UNC79: variants seen among roughly 807,000 people sequenced by gnomAD.
UNC79 encodes the protein protein unc-79 homolog.
Under a neutral mutation model 283.1 loss-of-function variants are expected in UNC79, and 37 were observed. The ratio of observed to expected loss-of-function variants is 0.13; its 90% CI spans 0.10 to 0.17. The LOEUF (loss-of-function observed/expected upper bound fraction) is 0.17. Among genes scored for constraint, UNC79 ranks in the 10% least tolerant of loss-of-function variants. UNC79 has a pLI of 1.00. For missense variants in UNC79, 2,272 were observed against 3,211.1 expected, an observed-to-expected ratio of 0.71 and a Z score of 7.07; for synonymous variants, 1,107 against 1,200.2, an observed-to-expected ratio of 0.92 and a Z score of 1.61.
intron 1 of UNC79, among the ~76,000 whole-genome samples, chr14:93,340,467 A>AGAGTT (rs201614499): frequency 0.066 from 9,664 of 145,344 alleles, 738 homozygotes; most frequent in African/African-American, 0.17. Flanking sequence ...AAAAAAAAGA[A>AGAGTT]GGCCACCTAT....
chr14:93,337,678 G>GCCC (rs1226166293), intron 1 of UNC79, among the ~76,000 whole-genome samples: 1 of 152,122 alleles, frequency 6.6e-6, no homozygotes, highest in Admixed American at 6.5e-5. Context: ...GCTGAAACAT[G>GCCC]CCCCCCTGAA....
At chr14:93,585,399 C>T (rs1009780199) in intron 20 of UNC79, among the ~76,000 whole-genome samples, 1 of 152,184 alleles carries the variant, frequency 6.6e-6, no homozygotes, top group Admixed American at 6.5e-5. Flanking sequence ...AGTGTGTTTC[C>T]CTTTTTCCCA....
chr14:93,403,611 C>T (rs1465197099), intron 1 of UNC79, among the ~76,000 whole-genome samples: 1 of 152,038 alleles, frequency 6.6e-6, no homozygotes, highest in Non-Finnish European at 1.5e-5. Context: ...CAGCAAACAG[C>T]ATAAAATAAA....
intron 4 of UNC79, among the ~76,000 whole-genome samples, chr14:93,484,473 T>A (rs2058309835): frequency 6.6e-6 from 1 of 152,202 alleles, no homozygotes; most frequent in Non-Finnish European, 1.5e-5. Flanking sequence ...TAATAATATA[T>A]TCAGAACTAC....
intron 26 of UNC79, among the ~76,000 whole-genome samples, chr14:93,607,987 G>A (rs1167318882): frequency 2.0e-5 from 3 of 152,156 alleles, no homozygotes; most frequent in Admixed American, 6.5e-5. Flanking sequence ...CTTGTTTGAA[G>A]ATATGTTTTT....
At chr14:93,591,769 A>G (rs745959860) in intron 22 of UNC79, among the ~76,000 whole-genome samples, 9 of 152,184 alleles carry the variant, frequency 5.9e-5, no homozygotes, top group Admixed American at 1.3e-4. Flanking sequence ...GGTGCTATTC[A>G]TGGTTTACGG....
At chr14:93,465,114 C>T (rs2057117824) in intron 1 of UNC79, among the ~76,000 whole-genome samples, 1 of 152,152 alleles carries the variant, frequency 6.6e-6, no homozygotes, top group Admixed American at 6.6e-5. Context: ...CACTTTCTTT[C>T]TTCCTTTTTT....
At chr14:93,404,493 A>AAAATAT in intron 1 of UNC79, among the ~76,000 whole-genome samples, 7 of 61,514 alleles carry the variant, frequency 1.1e-4, no homozygotes, top group African/African-American at 3.3e-4. Context: ...TTCTAAAAAA[A>AAAATAT]ATATATATAT....
intron 44 of UNC79, chr14:93,689,117 G>T (rs1288637026): frequency 2.3e-6 from 1 of 440,036 alleles, no homozygotes; most frequent in Admixed American, 3.9e-5. Context: ...CCACTTTAAT[G>T]CTTGATTTCA....
chr14:93,535,351 G>C (rs2061018107), intron 11 of UNC79, among the ~76,000 whole-genome samples: 1 of 152,192 alleles, frequency 6.6e-6, no homozygotes, highest in African/African-American at 2.4e-5. Flanking sequence ...TTTTATTGCT[G>C]ACATTGTTTA....
chr14:93,487,311 G>T (rs546901852), intron 4 of UNC79, among the ~76,000 whole-genome samples: 13 of 152,182 alleles, frequency 8.5e-5, no homozygotes, highest in African/African-American at 2.9e-4. Context: ...CCTTCAATAT[G>T]TCTTTATCTT....
intron 5 of UNC79, among the ~76,000 whole-genome samples, chr14:93,495,547 CA>C (rs2140579928): frequency 6.6e-6 from 1 of 152,272 alleles, no homozygotes; most frequent in African/African-American, 2.4e-5. Flanking sequence ...GTGTTGACAG[CA>C]GTTGAGTAGC....
chr14:93,379,283 G>A (rs2054618643), intron 1 of UNC79, among the ~76,000 whole-genome samples: 1 of 152,112 alleles, frequency 6.6e-6, no homozygotes, highest in South Asian at 2.1e-4. Context: ...AACAAAAACA[G>A]CTAGACTTAC....
At chr14:93,432,284 C>A (rs888885421) in intron 1 of UNC79, among the ~76,000 whole-genome samples, 10 of 152,144 alleles carry the variant, frequency 6.6e-5, no homozygotes, top group African/African-American at 2.4e-4. Context: ...TGTGCATGCC[C>A]ACCTACCACC....
chr14:93,681,376 G>A (rs763828443), intron 41 of UNC79, among the ~76,000 whole-genome samples: 6 of 152,224 alleles, frequency 3.9e-5, no homozygotes, highest in Non-Finnish European at 5.9e-5. Context: ...GGAGGCCTTT[G>A]GCTTAGAGGT....
chr14:93,599,452 G>C (rs1274594219), intron 24 of UNC79, among the ~76,000 whole-genome samples: 5 of 152,104 alleles, frequency 3.3e-5, no homozygotes, highest in African/African-American at 9.7e-5. Context: ...CAAGAAGCAA[G>C]GGCAAGCTTG....
chr14:93,474,962 G>A lies in UNC79; in HGVS notation c.448+569G>A, dbSNP rs1197182073. On this transcript the variant is annotated intron_variant, in intron 3 of 48. Transcript: ENST00000555664. The surrounding 1 kb of genome is among the most constrained non-coding windows in gnomAD (Gnocchi z 4.1). ...TGTAGATATAGTATATAGTGGCGCTGTATGCTGTATTCAGCATATGGTATT... is the reference window on the plus strand; with the variant it reads ...TGTAGATATAGTATATAGTGGCGCTATATGCTGTATTCAGCATATGGTATT... Among the ~76,000 whole-genome samples, 1 of 152,190 alleles carries A rather than the reference G, an allele frequency of 6.6e-6. No individual in the cohort carries two copies. The highest frequency in any genetic ancestry group is 6.5e-5 in the Admixed American group (1 of 15,292).
intron 1 of UNC79, among the ~76,000 whole-genome samples, chr14:93,337,912 G>C (rs2053614025): frequency 6.6e-6 from 1 of 152,054 alleles, no homozygotes; most frequent in African/African-American, 2.4e-5. Flanking sequence ...GGTATGTCTG[G>C]TCCAGCTGCA....
At chr14:93,600,537 CT>C in intron 24 of UNC79, 31 bp from the exon 25 acceptor site, 3 of 1,538,976 alleles carry the variant, frequency 1.9e-6, no homozygotes, top group South Asian at 1.2e-5. Flanking sequence ...TGACTTTCTT[CT>C]TTTCTTTTTT....
Sources: gnomAD v4.1 joint callset for allele counts (sites outside exome capture counted in the v4.1 genomes callset) on GRCh38, gnomAD v4.1.1 for gene constraint, Gnocchi (gnomAD v3.1) non-coding constraint, MANE v1.5 for transcripts, NCBI Gene and HGNC (gene_info 2026-07-23, HGNC 2026-07-21) for gene names.